Variants in ASTN2 observed in about 807,000 individuals in gnomAD.
ASTN2 encodes the protein astrotactin-2.
Under a neutral mutation model 139.8 loss-of-function variants are expected in ASTN2, and 54 were observed. That is an observed-to-expected ratio of 0.39 (90% CI 0.31 to 0.48). ASTN2 has a LOEUF of 0.48. ASTN2 is among the 20% of genes least tolerant of loss of function. The pLI is 0.95. For synonymous variants in ASTN2, 756 were observed against 719.5 expected, an observed-to-expected ratio of 1.05 and a Z score of -0.81; for missense variants, 1,565 against 1,725.1, an observed-to-expected ratio of 0.91 and a Z score of 1.64.
intron 2 of ASTN2, among the ~76,000 whole-genome samples, chr9:117,253,583 T>C (rs1036879845): frequency 1.3e-5 from 2 of 152,184 alleles, no homozygotes; most frequent in Non-Finnish European, 2.9e-5. Context: ...TTTGCCTCCT[T>C]CTTTGCCTGT....
chr9:117,033,680 G>T lies in ASTN2; in HGVS notation c.1423+6139C>A, dbSNP rs146839418. Reference sequence around the variant, plus strand: ...TTCAAAATAAATAATAATTATCCTGGTCTCCTCTCTGGAAGCTTAGAGCAT... The same window carrying T: ...TTCAAAATAAATAATAATTATCCTGTTCTCCTCTCTGGAAGCTTAGAGCAT... On this transcript the variant is annotated intron_variant, in intron 6 of 22. Transcript: ENST00000313400. Among the ~76,000 whole-genome samples the T allele has an allele frequency of 2.6e-5, 4 of 152,088 alleles. No individual in the cohort carries two copies. In the East Asian group the frequency reaches 7.7e-4, roughly 29 times the overall value.
chr9:116,726,036 C>T, intron 15 of ASTN2, 86 bp from the exon 16 acceptor site: 1 of 1,388,826 alleles, frequency 7.2e-7, no homozygotes, highest in South Asian at 1.4e-5. Flanking sequence ...TTCTTCCCAA[C>T]CTGTATTTTG....
chr9:116,900,471 A>G (rs1833980424), intron 10 of ASTN2, among the ~76,000 whole-genome samples: 1 of 152,158 alleles, frequency 6.6e-6, no homozygotes, highest in Non-Finnish European at 1.5e-5. Context: ...TAATTTGTAG[A>G]GAGAGAAATC....
rs764856702 is a variant in ASTN2, at chr9:116,854,651, C to CTT, written c.2040+8930_2040+8931dup. Among the ~76,000 whole-genome samples, 1,010 of 121,888 alleles carry CTT rather than the reference C, an allele frequency of 8.3e-3. 12 individuals carry two copies. The highest frequency in any genetic ancestry group is 0.028 in the African/African-American group (905 of 31,836). The allele number at this position is 121,888 out of a possible 152,430, so 80.0% of individuals were successfully genotyped here. ...CCTCCAATTTGGGGCTTCCTTCTCTCTTTTTTTTTTTTTTTTTTTGAGACA... is the reference window on the plus strand; with the variant it reads ...CCTCCAATTTGGGGCTTCCTTCTCTCTTTTTTTTTTTTTTTTTTTTTGAGACA... On this transcript the variant is annotated intron_variant, in intron 11 of 22. Transcript: ENST00000313400.
chr9:116,747,493 C>T (rs1829275658), intron 13 of ASTN2, among the ~76,000 whole-genome samples: 1 of 152,134 alleles, frequency 6.6e-6, no homozygotes, highest in African/African-American at 2.4e-5. Context: ...TCTCAACAAC[C>T]TTGTGAGTTA....
At chr9:117,085,054 T>A (rs375851810) in intron 5 of ASTN2, among the ~76,000 whole-genome samples, 2 of 152,202 alleles carry the variant, frequency 1.3e-5, no homozygotes, top group African/African-American at 2.4e-5. Context: ...CCCAGCCTCC[T>A]ATGCAGGCCC....
intron 19 of ASTN2, among the ~76,000 whole-genome samples, chr9:116,572,932 G>A (rs1224735481): frequency 2.0e-5 from 3 of 152,022 alleles, no homozygotes; most frequent in Admixed American, 6.6e-5. Flanking sequence ...CCCCAGGTGC[G>A]TGACTCTGAC....
At position 117,296,883 on chromosome 9, in the gene ASTN2, G is replaced by T. The variant is rs373318988; in HGVS notation, c.443-5370C>A. Among the ~76,000 whole-genome samples, 15 of 152,190 alleles carry T rather than the reference G, an allele frequency of 9.9e-5. No individual in the cohort carries two copies. The East Asian group carries it at 2.1e-3, about 22-fold the overall frequency. On this transcript the variant is annotated intron_variant, in intron 1 of 22. Transcript: ENST00000313400. Reference sequence around the variant, plus strand: ...TCAACAGGCTCAAATCCCCTCAACTGCCCCACAGAAGCTGAGAGAGAGGAT... The same window carrying T: ...TCAACAGGCTCAAATCCCCTCAACTTCCCCACAGAAGCTGAGAGAGAGGAT...
chr9:116,709,950 T>A (rs893466103), intron 16 of ASTN2, among the ~76,000 whole-genome samples: 2 of 152,222 alleles, frequency 1.3e-5, no homozygotes, highest in African/African-American at 4.8e-5. Flanking sequence ...CACATTTCAG[T>A]CATCAGTCAA....
Position 116,620,293 on chromosome 9 carries a change from G to T in ASTN2, c.3206+17C>A. The T allele has an allele frequency of 6.2e-6, 10 of 1,614,040 alleles. No homozygotes were observed. The highest frequency in any genetic ancestry group is 1.7e-4 in the Middle Eastern group (1 of 6,060). ...CGAAAAGGGATGGCCAAAGGAAAAG[G>T]GGCCATACATACGTACACCGGCTGC... is the stretch of plus-strand genomic sequence containing the variant. On this transcript the variant is annotated intron_variant, in intron 18 of 22. Transcript: ENST00000313400.
intron 19 of ASTN2, among the ~76,000 whole-genome samples, chr9:116,565,053 T>C (rs959685358): frequency 4.6e-5 from 7 of 152,118 alleles, no homozygotes; most frequent in African/African-American, 1.4e-4. Flanking sequence ...GTTTAAGATA[T>C]GTAAGACACA....
At chr9:117,168,735 G>A (rs6478284) in intron 3 of ASTN2, among the ~76,000 whole-genome samples, 16,761 of 152,024 alleles carry the variant, frequency 0.11, 1,004 homozygotes, top group East Asian at 0.18. Flanking sequence ...TAAAAAATAC[G>A]CATTTAATAT....
At chr9:117,221,280 C>T (rs1832508090) in intron 2 of ASTN2, among the ~76,000 whole-genome samples, 1 of 152,036 alleles carries the variant, frequency 6.6e-6, no homozygotes, top group Non-Finnish European at 1.5e-5. Flanking sequence ...GTATAAAGCA[C>T]TTCAAACCAC....
At chr9:117,061,510 T>C (rs375478413) in intron 5 of ASTN2, among the ~76,000 whole-genome samples, 50 of 152,278 alleles carry the variant, frequency 3.3e-4, no homozygotes, top group African/African-American at 1.2e-3. Context: ...GGAAGAGGAC[T>C]CCTGTCTGTT....
At position 116,424,045 on chromosome 9, in the gene ASTN2, C is replaced by G. The variant is rs1847246182; in HGVS notation, c.*1806G>C. Among the ~76,000 whole-genome samples, 2 of 152,148 alleles carry G rather than the reference C, an allele frequency of 1.3e-5. No individual in the cohort carries two copies. The highest frequency in any genetic ancestry group is 1.3e-4 in the Admixed American group (2 of 15,286). ...GGTGTCATCTTTGCATTATGATATACCTGACCTACATCCCATCTGCTCAAG... is the reference window on the plus strand; with the variant it reads ...GGTGTCATCTTTGCATTATGATATAGCTGACCTACATCCCATCTGCTCAAG... On this transcript the variant is annotated 3_prime_UTR_variant, in exon 23 of 23. Transcript: ENST00000313400.
intron 13 of ASTN2, 69 bp from the exon 14 acceptor site, chr9:116,733,592 G>A (rs1376644098): frequency 1.9e-6 from 3 of 1,594,354 alleles, no homozygotes; most frequent in Admixed American, 1.7e-5. Context: ...AGGGCAAGGA[G>A]GCAGGATGCT....
intron 7 of ASTN2, among the ~76,000 whole-genome samples, chr9:117,005,548 G>T (rs1837330949): frequency 6.6e-6 from 1 of 152,158 alleles, no homozygotes; most frequent in South Asian, 2.1e-4. Flanking sequence ...AAAGGTGGCT[G>T]CCTGGACAAC....
chr9:116,978,491 T>TCTCGCGCACACACACA (rs1246385801), intron 7 of ASTN2, among the ~76,000 whole-genome samples: 1 of 116,172 alleles, frequency 8.6e-6, no homozygotes. Context: ...TCTCTCTCTC[T>TCTCGCGCACACACACA]CACGCACACA....
chr9:116,578,088 A>G (rs1853796130), intron 19 of ASTN2, among the ~76,000 whole-genome samples: 1 of 152,210 alleles, frequency 6.6e-6, no homozygotes, highest in African/African-American at 2.4e-5. Context: ...CAGAGTGGAA[A>G]GTGAACCAGA....
Sources: allele counts gnomAD v4.1 joint callset (sites outside exome capture counted in the v4.1 genomes callset), GRCh38; gene constraint gnomAD v4.1.1; transcripts MANE v1.5; gene names NCBI Gene and HGNC (gene_info 2026-07-23, HGNC 2026-07-21).